PPP2R3A: variants seen among roughly 807,000 people sequenced by gnomAD.
PPP2R3A encodes the protein protein phosphatase 2 regulatory subunit B''alpha, also known as serine/threonine-protein phosphatase 2A regulatory subunit B'' subunit alpha.
PPP2R3A carries 80 observed loss-of-function variants against 106.9 expected under a neutral mutation model. The ratio of observed to expected loss-of-function variants is 0.75; its 90% confidence interval spans 0.62 to 0.90. PPP2R3A has a LOEUF of 0.90. Among genes scored for constraint, PPP2R3A ranks in the 40% least tolerant of loss-of-function variants. The pLI is 0.00. For synonymous variants in PPP2R3A, 483 were observed against 468.3 expected (o/e 1.03, Z -0.41); for missense variants, 1,386 against 1,350.4 (o/e 1.03, Z -0.41).
intron 13 of PPP2R3A, among the ~76,000 whole-genome samples, chr3:136,128,849 T>C (rs1938289386): frequency 6.6e-6 from 1 of 152,064 alleles, no homozygotes; most frequent in Admixed American, 6.6e-5. Context: ...AAACTAGAAC[T>C]CAGGATTAAG....
intron 13 of PPP2R3A, among the ~76,000 whole-genome samples, chr3:136,127,308 A>G (rs1938218625): frequency 6.6e-6 from 1 of 152,236 alleles, no homozygotes; most frequent in South Asian, 2.1e-4. Flanking sequence ...TAAACAGTGT[A>G]GAGAAGACCT....
At chr3:135,987,585 A>T (rs577372959) in intron 1 of PPP2R3A, among the ~76,000 whole-genome samples, 1 of 152,314 alleles carries the variant, frequency 6.6e-6, no homozygotes, top group South Asian at 2.1e-4. Context: ...TAGAACTGTC[A>T]TGTGTCACAT....
intron 1 of PPP2R3A, among the ~76,000 whole-genome samples, chr3:135,972,513 T>C (rs373109912): frequency 1.6e-4 from 25 of 152,236 alleles, no homozygotes; most frequent in Non-Finnish European, 2.9e-4. Flanking sequence ...AATAATTCTA[T>C]GTTTAAAAAG....
chr3:135,977,378 TTAAAGA>T (rs1265426353), intron 1 of PPP2R3A, among the ~76,000 whole-genome samples: 1 of 152,220 alleles, frequency 6.6e-6, no homozygotes, highest in East Asian at 1.9e-4. Context: ...ATTTTTCCAC[TTAAAGA>T]TAACAGTTTG....
chr3:136,016,098 T>G (rs1237509381), intron 2 of PPP2R3A, among the ~76,000 whole-genome samples: 2 of 152,194 alleles, frequency 1.3e-5, no homozygotes, highest in East Asian at 3.8e-4. Flanking sequence ...AGAAGCAGAT[T>G]ATTTAATTTC....
intron 6 of PPP2R3A, among the ~76,000 whole-genome samples, chr3:136,073,875 C>G (rs1936517662): frequency 6.6e-6 from 1 of 152,144 alleles, no homozygotes. Flanking sequence ...ATAAGGCCTT[C>G]TAGTATGAAA....
rs1341207538 is a variant in PPP2R3A at position 136,143,870 on chromosome 3, C to T, written c.3330-1173C>T. Among the ~76,000 whole-genome samples, 5 of 152,282 alleles carry T rather than the reference C, an allele frequency of 3.3e-5. No individual in the cohort carries two copies. The East Asian group carries it at 9.6e-4, about 29-fold the overall frequency. On this transcript the variant is annotated intron_variant, in intron 13 of 13. Transcript: ENST00000264977. ...ATATACCTACCTCAGCATATTTTCC[C>T]TCACTAATTGGCCCCAATTGGTACC... is the stretch of plus-strand genomic sequence containing the variant.
intron 2 of PPP2R3A, among the ~76,000 whole-genome samples, chr3:136,021,434 A>G (rs1395032020): frequency 2.6e-5 from 4 of 152,152 alleles, no homozygotes; most frequent in Non-Finnish European, 5.9e-5. Flanking sequence ...AAATTCTTTA[A>G]AACACAGCTT....
At chr3:136,036,005 C>T (rs907805716) in intron 3 of PPP2R3A, among the ~76,000 whole-genome samples, 1 of 151,746 alleles carries the variant, frequency 6.6e-6, no homozygotes, top group Non-Finnish European at 1.5e-5. Context: ...TCTGCTTGTT[C>T]AGTTCCATTG....
intron 1 of PPP2R3A, among the ~76,000 whole-genome samples, chr3:135,995,968 A>G (rs985414621): frequency 6.6e-6 from 1 of 152,130 alleles, no homozygotes; most frequent in African/African-American, 2.4e-5. Flanking sequence ...GCATTTCTTA[A>G]AAGAGTGTTC....
chr3:136,078,148 A>G (rs1164416021), intron 6 of PPP2R3A, among the ~76,000 whole-genome samples: 1 of 152,260 alleles, frequency 6.6e-6, no homozygotes, highest in Non-Finnish European at 1.5e-5. Context: ...ACTTGTGAGC[A>G]GAGAATTTTT....
intron 2 of PPP2R3A, among the ~76,000 whole-genome samples, chr3:136,010,571 C>T (rs148184242): frequency 2.0e-5 from 3 of 151,254 alleles, no homozygotes; most frequent in African/African-American, 4.8e-5. Flanking sequence ...GGACTACAGG[C>T]GCCCGCCACT....
At chr3:136,072,248 T>A (rs190448213) in intron 6 of PPP2R3A, among the ~76,000 whole-genome samples, 4 of 152,300 alleles carry the variant, frequency 2.6e-5, no homozygotes, top group Non-Finnish European at 5.9e-5. Flanking sequence ...TTCCCTGGCA[T>A]ATAATAGACA....
chr3:136,119,278 C>A (rs1183846625), intron 13 of PPP2R3A, among the ~76,000 whole-genome samples: 2 of 152,144 alleles, frequency 1.3e-5, no homozygotes, highest in Admixed American at 1.3e-4. Context: ...TAGAAGAAAA[C>A]CTAGGCAGTA....
At chr3:136,125,097 G>A (rs1254243714) in intron 13 of PPP2R3A, among the ~76,000 whole-genome samples, 1 of 152,228 alleles carries the variant, frequency 6.6e-6, no homozygotes, top group Non-Finnish European at 1.5e-5. Flanking sequence ...AAGGTGGGCA[G>A]TTCACCAGAG....
chr3:136,106,429 A>T, intron 13 of PPP2R3A, 107 bp downstream of exon 13: 1 of 961,470 alleles, frequency 1.0e-6, no homozygotes, highest in Non-Finnish European at 1.6e-6. Flanking sequence ...ATTTTTGAAT[A>T]GCATAAAAAT....
At chr3:136,028,295 G>T (rs1354206324) in intron 3 of PPP2R3A, among the ~76,000 whole-genome samples, 3 of 152,198 alleles carry the variant, frequency 2.0e-5, no homozygotes, top group Non-Finnish European at 2.9e-5. Context: ...GCTGTTAAAT[G>T]ATATGTAACT....
intron 12 of PPP2R3A, among the ~76,000 whole-genome samples, chr3:136,104,872 T>C (rs544688009): frequency 6.6e-6 from 1 of 152,336 alleles, no homozygotes; most frequent in East Asian, 1.9e-4. Flanking sequence ...CACAAAAGTG[T>C]GTGGTCTTTT....
intron 5 of PPP2R3A, among the ~76,000 whole-genome samples, chr3:136,060,954 T>C (rs1936055886): frequency 7.2e-5 from 11 of 152,176 alleles, no homozygotes. Flanking sequence ...CATTCCACAA[T>C]AAATACATAT....
Sources: gnomAD v4.1 joint callset for allele counts (sites outside exome capture counted in the v4.1 genomes callset) on GRCh38, gnomAD v4.1.1 for gene constraint, MANE v1.5 for transcripts, NCBI Gene and HGNC (gene_info 2026-07-23, HGNC 2026-07-21) for gene names.